MAGI1: variants seen among roughly 807,000 people sequenced by gnomAD.
The protein encoded by MAGI1 is membrane-associated guanylate kinase, WW and PDZ domain-containing protein 1.
A neutral mutation model predicts 139.9 loss-of-function variants in MAGI1; 58 were observed. The ratio of observed to expected loss-of-function variants is 0.41; its 90% CI spans 0.34 to 0.52. The LOEUF (loss-of-function observed/expected upper bound fraction) is 0.52. Among genes scored for constraint, MAGI1 ranks in the 20% least tolerant of loss-of-function variants. The pLI, the probability that MAGI1 is intolerant of heterozygous loss-of-function variation, is 0.12. For synonymous variants in MAGI1, 812 were observed against 737.9 expected, an observed-to-expected ratio of 1.10 and a Z score of -1.63; for missense variants, 1,874 against 1,901.6, an observed-to-expected ratio of 0.99 and a Z score of 0.27.
intron 1 of MAGI1, chr3:65,688,434 G>A (rs779223903): frequency 6.0e-6 from 3 of 500,558 alleles, no homozygotes; most frequent in Admixed American, 2.6e-5. Flanking sequence ...CCACCTCAAG[G>A]AGAGGAAGAA....
At chr3:65,551,636 T>A (rs972891550) in intron 2 of MAGI1, among the ~76,000 whole-genome samples, 10 of 152,184 alleles carry the variant, frequency 6.6e-5, no homozygotes, top group African/African-American at 2.4e-4. Context: ...TCAGGGAAGT[T>A]TATAGCAGTG....
At chr3:66,022,405 T>A (rs148683740) in intron 1 of MAGI1, among the ~76,000 whole-genome samples, 83 of 152,340 alleles carry the variant, frequency 5.4e-4, no homozygotes, top group African/African-American at 2.0e-3. Context: ...TAATGACACA[T>A]GTATAATATA....
chr3:65,800,933 C>T (rs2040474754), intron 1 of MAGI1, among the ~76,000 whole-genome samples: 1 of 152,164 alleles, frequency 6.6e-6, no homozygotes, highest in Non-Finnish European at 1.5e-5. Flanking sequence ...GTCACTTCTG[C>T]ACCAATGTAA....
rs554689938 is a variant in MAGI1, at chr3:65,694,827, C to A, written c.314-72739G>T. Among the ~76,000 whole-genome samples, 3 of 152,308 alleles carry A rather than the reference C, an allele frequency of 2.0e-5. No individual in the cohort carries two copies. The East Asian group carries it at 5.8e-4, about 29-fold the overall frequency. ...AACCAAAGACTTCCATAACAAAATA[C>A]TGCAATCACTACTCACTACCTGGCT... On this transcript the variant is annotated intron_variant, in intron 1 of 22. Coordinates refer to ENST00000402939, the MANE Select transcript of MAGI1 (RefSeq NM_001033057.2).
At chr3:65,370,386 C>T (rs954208350) in intron 18 of MAGI1, among the ~76,000 whole-genome samples, 10 of 152,208 alleles carry the variant, frequency 6.6e-5, no homozygotes, top group African/African-American at 1.4e-4. Flanking sequence ...AACCAAATTC[C>T]TGAAACATCT....
intron 1 of MAGI1, among the ~76,000 whole-genome samples, chr3:65,698,214 G>A (rs200428204): frequency 1.6e-5 from 2 of 126,254 alleles, no homozygotes; most frequent in African/African-American, 3.3e-5. Flanking sequence ...TGCTGCTCAA[G>A]GAAATAAAAG....
At chr3:65,633,020 C>T (rs775776717) in intron 1 of MAGI1, among the ~76,000 whole-genome samples, 3 of 152,120 alleles carry the variant, frequency 2.0e-5, no homozygotes, top group Non-Finnish European at 2.9e-5. Flanking sequence ...TACCCCAGGA[C>T]TTGATAGAAT....
intron 2 of MAGI1, among the ~76,000 whole-genome samples, chr3:65,557,450 G>A (rs904168436): frequency 6.6e-6 from 1 of 152,144 alleles, no homozygotes; most frequent in South Asian, 2.1e-4. Context: ...GTATCCTCAT[G>A]AGAGTTCTTG....
At chr3:65,740,619 A>C (rs1363506246) in intron 1 of MAGI1, among the ~76,000 whole-genome samples, 1 of 152,242 alleles carries the variant, frequency 6.6e-6, no homozygotes, top group Admixed American at 6.5e-5. Flanking sequence ...GGGAGAAACG[A>C]TGGAAAACTT....
rs750330382 is a variant in MAGI1, at chr3:65,356,622, C to G, written c.4145G>C (p.Arg1382Thr). The change falls in exon 23 of 23, where the codon AGG (arginine) becomes ACG (threonine). Residue 1382 changes from arginine (R) to threonine (T), a missense_variant. Physicochemically the swap from Arg to Thr is moderately conservative, Grantham distance 71. This residue lies in a region of MAGI1 where 653 missense variants were observed against 644.5 expected (regional missense o/e 1.01). Transcript: ENST00000402939. Reference protein sequence around the residue: ...RSLERLLEQRRSPERRRGGSP... With the variant: ...RSLERLLEQRTSPERRRGGSP... ...GCCCCCTCTCCTGCGCTCGGGGGACCTCCTCTGCTCCAGGAGTCTCTCCAG... is the reference window on the plus strand; with the variant it reads ...GCCCCCTCTCCTGCGCTCGGGGGACGTCCTCTGCTCCAGGAGTCTCTCCAG... The G allele has an allele frequency of 6.3e-7, 1 of 1,590,422 alleles. No individual in the cohort carries two copies. The highest frequency in any genetic ancestry group is 1.4e-5 in the African/African-American group (1 of 73,680).
At chr3:65,504,860 A>G (rs1384968147) in intron 2 of MAGI1, among the ~76,000 whole-genome samples, 1 of 152,224 alleles carries the variant, frequency 6.6e-6, no homozygotes, top group East Asian at 1.9e-4. Flanking sequence ...TTTTCAGGGA[A>G]GGGAACTTTG....
intron 1 of MAGI1, among the ~76,000 whole-genome samples, chr3:65,731,752 G>T (rs6782678): frequency 0.36 from 54,988 of 151,622 alleles, 11,437 homozygotes; most frequent in African/African-American, 0.55. Context: ...ATGGCGCTCT[G>T]AAAATTCAGC....
intron 1 of MAGI1, among the ~76,000 whole-genome samples, chr3:65,734,543 GAGAAAGAGAGAA>G (rs1278859522): frequency 2.0e-5 from 3 of 147,160 alleles, no homozygotes; most frequent in Admixed American, 6.8e-5. Flanking sequence ...GGGGGAGAGA[GAGAAAGAGAGAA>G]AGAAAGAGAG....
intron 2 of MAGI1, among the ~76,000 whole-genome samples, chr3:65,591,702 C>G (rs761189562): frequency 1.3e-5 from 2 of 152,164 alleles, no homozygotes; most frequent in East Asian, 1.9e-4. Context: ...CCTCTCCTCC[C>G]ATAGTTCTAA....
chr3:65,947,143 C>G (rs1040779033), intron 1 of MAGI1, among the ~76,000 whole-genome samples: 1 of 152,112 alleles, frequency 6.6e-6, no homozygotes, highest in Non-Finnish European at 1.5e-5. Context: ...AAATAACTCC[C>G]GAGCTTGTGT....
chr3:65,659,614 C>T (rs1212722572), intron 1 of MAGI1, among the ~76,000 whole-genome samples: 2 of 152,200 alleles, frequency 1.3e-5, no homozygotes, highest in Non-Finnish European at 2.9e-5. Flanking sequence ...AAGATGGAAA[C>T]CGCAAACCCC....
At chr3:65,790,838 G>A (rs537027599) in intron 1 of MAGI1, among the ~76,000 whole-genome samples, 1 of 152,188 alleles carries the variant, frequency 6.6e-6, no homozygotes, top group Non-Finnish European at 1.5e-5. Flanking sequence ...ACTTTGGGAG[G>A]CCAAGGCAGG....
chr3:65,478,541 C>T (rs1396852223), intron 4 of MAGI1, 51 bp downstream of exon 4: 1 of 1,554,500 alleles, frequency 6.4e-7, no homozygotes, highest in Non-Finnish European at 8.9e-7. Flanking sequence ...CAAAAGCCTC[C>T]TCGTCATCCC....
At chr3:65,403,303 C>A (rs1945058852) in intron 12 of MAGI1, among the ~76,000 whole-genome samples, 1 of 152,028 alleles carries the variant, frequency 6.6e-6, no homozygotes, top group Non-Finnish European at 1.5e-5. Flanking sequence ...TTATCTTGCA[C>A]TAACTAGAGA....
Sources: allele counts gnomAD v4.1 joint callset (sites outside exome capture counted in the v4.1 genomes callset), GRCh38; gene constraint gnomAD v4.1.1; regional missense constraint gnomAD v4.1.1; transcripts MANE v1.5; gene names NCBI Gene and HGNC (gene_info 2026-07-23, HGNC 2026-07-21).